The following NEGR1 variants were observed in gnomAD, a reference collection of about 807,000 sequenced individuals.
NEGR1 encodes the protein IgLON family member 4.
Under a neutral mutation model 40.9 loss-of-function variants are expected in NEGR1, and 10 were observed. The ratio of observed to expected loss-of-function variants is 0.24; its 90% CI spans 0.15 to 0.42. The LOEUF (loss-of-function observed/expected upper bound fraction) is 0.42. NEGR1 is among the 10% of genes least tolerant of loss of function. The pLI is 1.00. For missense variants in NEGR1, 352 were observed against 438.9 expected (o/e 0.80, Z 1.77); for synonymous variants, 185 against 166.8 (o/e 1.11, Z -0.84).
At chr1:72,005,755 C>G (rs1646601006) in intron 1 of NEGR1, among the ~76,000 whole-genome samples, 1 of 152,000 alleles carries the variant, frequency 6.6e-6, no homozygotes, top group Non-Finnish European at 1.5e-5. Context: ...TTCAAAATAT[C>G]TAGCATAAGA....
chr1:72,132,071 C>A (rs775498027), intron 1 of NEGR1, among the ~76,000 whole-genome samples: 1 of 151,854 alleles, frequency 6.6e-6, no homozygotes, highest in Non-Finnish European at 1.5e-5. Context: ...TGTACTCCAG[C>A]CTCGGTGAGA....
intron 4 of NEGR1, among the ~76,000 whole-genome samples, chr1:71,672,337 T>C (rs1652465034): frequency 1.3e-5 from 2 of 152,196 alleles, no homozygotes; most frequent in South Asian, 2.1e-4. Context: ...TGTGACATCT[T>C]TGTAACATTT....
chr1:71,658,626 T>C (rs1348114222), intron 4 of NEGR1, among the ~76,000 whole-genome samples: 1 of 152,132 alleles, frequency 6.6e-6, no homozygotes, highest in African/African-American at 2.4e-5. Flanking sequence ...AAGACCCTGA[T>C]TAAAAGTAGG....
chr1:72,249,335 C>G (rs949303396), intron 1 of NEGR1, among the ~76,000 whole-genome samples: 1 of 152,202 alleles, frequency 6.6e-6, no homozygotes, highest in Non-Finnish European at 1.5e-5. Context: ...CTACCCAGTT[C>G]ACGGTATTTT....
chr1:71,792,104 A>G (rs1397378336), intron 2 of NEGR1, among the ~76,000 whole-genome samples: 1 of 152,180 alleles, frequency 6.6e-6, no homozygotes, highest in Non-Finnish European at 1.5e-5. Flanking sequence ...CATGTTGTAA[A>G]TGGCTAGTGT....
intron 2 of NEGR1, among the ~76,000 whole-genome samples, chr1:71,841,577 T>C (rs888668274): frequency 6.6e-6 from 1 of 152,152 alleles, no homozygotes; most frequent in South Asian, 2.1e-4. Flanking sequence ...CATGTCAGTA[T>C]AATGTGGTGG....
chr1:71,478,107 T>C (rs565451120), intron 6 of NEGR1, among the ~76,000 whole-genome samples: 1 of 152,166 alleles, frequency 6.6e-6, no homozygotes, highest in South Asian at 2.1e-4. Flanking sequence ...TTGTCCCATT[T>C]TACTTTGCTC....
At chr1:71,950,834 G>A (rs536264310) in intron 1 of NEGR1, among the ~76,000 whole-genome samples, 2 of 151,958 alleles carry the variant, frequency 1.3e-5, no homozygotes, top group Non-Finnish European at 2.9e-5. Context: ...TTCCTGACTC[G>A]CTTCTGATGC....
intron 2 of NEGR1, among the ~76,000 whole-genome samples, chr1:71,835,947 T>C (rs1344223020): frequency 5.3e-5 from 8 of 152,064 alleles, no homozygotes. Flanking sequence ...TATGTGTCTT[T>C]TATATTTAAG....
At chr1:71,993,565 A>C (rs1478234137) in intron 1 of NEGR1, among the ~76,000 whole-genome samples, 1 of 152,212 alleles carries the variant, frequency 6.6e-6, no homozygotes, top group Non-Finnish European at 1.5e-5. Flanking sequence ...AAATTATTAT[A>C]TTATCTCTTC....
chr1:71,938,377 T>TACAC (rs773240362), intron 1 of NEGR1, among the ~76,000 whole-genome samples: 1 of 146,794 alleles, frequency 6.8e-6, no homozygotes, highest in South Asian at 2.2e-4. Context: ...CATACACACA[T>TACAC]ACACACACAC....
rs1439850495 is a variant in NEGR1, at chr1:72,010,532, T to C, written c.177-75221A>G. Among the ~76,000 whole-genome samples the C allele has an allele frequency of 2.0e-5, 3 of 152,144 alleles. No individual in the cohort carries two copies. The East Asian group carries it at 5.8e-4, about 29-fold the overall frequency. ...TGAAATCTCTGCCTTATGTGCAGTA[T>C]ACAACTCTTCATACCTGCCAGTCTC... On this transcript the variant is annotated intron_variant, in intron 1 of 6. Transcript: ENST00000357731.
At chr1:72,048,564 C>T (rs977546424) in intron 1 of NEGR1, among the ~76,000 whole-genome samples, 7 of 151,380 alleles carry the variant, frequency 4.6e-5, no homozygotes, top group Admixed American at 1.3e-4. Flanking sequence ...ATTGATAAAT[C>T]GGGTGGAATA....
chr1:71,760,684 C>T (rs921936651), intron 3 of NEGR1, among the ~76,000 whole-genome samples: 5 of 152,034 alleles, frequency 3.3e-5, no homozygotes, highest in Non-Finnish European at 5.9e-5. Context: ...CATAATTTGC[C>T]GGTTTTACTG....
At chr1:71,701,821 T>G (rs930132597) in intron 3 of NEGR1, among the ~76,000 whole-genome samples, 1 of 152,104 alleles carries the variant, frequency 6.6e-6, no homozygotes, top group Non-Finnish European at 1.5e-5. Flanking sequence ...GCTGAAGTTA[T>G]TAATCTCTCT....
At chr1:71,823,984 G>C (rs1163566044) in intron 2 of NEGR1, among the ~76,000 whole-genome samples, 1 of 151,974 alleles carries the variant, frequency 6.6e-6, no homozygotes, top group Non-Finnish European at 1.5e-5. Flanking sequence ...CTGATCTTTT[G>C]TGAGTGTCTA....
At chr1:71,747,416 A>C (rs1570290581) in intron 3 of NEGR1, among the ~76,000 whole-genome samples, 1 of 151,488 alleles carries the variant, frequency 6.6e-6, no homozygotes, top group Admixed American at 6.6e-5. Context: ...TGTGGTGAAA[A>C]CTTCTTACAT....
Position 71,898,949 on chromosome 1 carries a change from AATATATATATATAGC to A in NEGR1, c.409+36115_409+36129del, listed in dbSNP as rs1553173446. Among the ~76,000 whole-genome samples the A allele has an allele frequency of 3.4e-5, 4 of 119,342 alleles. No homozygotes were observed. In the East Asian group the frequency reaches 7.4e-4, roughly 22 times the overall value. The allele number at this position is 119,342 out of a possible 152,430, so 78.3% of individuals were successfully genotyped here. A position where few individuals can be genotyped will look rare whatever the true frequency, so the allele number is the denominator to read the frequency against. ...TTGCAAATATATATAATATATTGCA[AATATATATATATAGC>A]ATATATATATATATAGCATATATAT... On this transcript the variant is annotated intron_variant, in intron 2 of 6. Coordinates refer to ENST00000357731, the MANE Select transcript of NEGR1 (RefSeq NM_173808.3).
intron 6 of NEGR1, among the ~76,000 whole-genome samples, chr1:71,497,769 T>C: frequency 6.6e-6 from 1 of 151,978 alleles, no homozygotes; most frequent in Non-Finnish European, 1.5e-5. Context: ...TGATGAGATA[T>C]AGAACAAACA....
Sources: allele counts gnomAD v4.1 joint callset (sites outside exome capture counted in the v4.1 genomes callset), GRCh38; gene constraint gnomAD v4.1.1; transcripts MANE v1.5; gene names NCBI Gene and HGNC (gene_info 2026-07-23, HGNC 2026-07-21).